The following STT3A variants were observed in gnomAD, a reference collection of about 807,000 sequenced individuals.
The protein encoded by STT3A is dolichyl-diphosphooligosaccharide--protein glycosyltransferase subunit STT3A.
A neutral mutation model predicts 89.2 loss-of-function variants in STT3A; 34 were observed. The observed-to-expected ratio is 0.38, with a 90% CI of 0.29 to 0.51. STT3A has a LOEUF of 0.51. Among genes scored for constraint, STT3A ranks in the 20% least tolerant of loss-of-function variants. The pLI is 0.89. For missense variants in STT3A, 555 were observed against 889.5 expected, an observed-to-expected ratio of 0.62 and a Z score of 4.78; for synonymous variants, 282 against 310.3, an observed-to-expected ratio of 0.91 and a Z score of 0.96.
chr11:125,597,224 T>A, intron 3 of STT3A, 105 bp downstream of exon 3: 1 of 1,171,010 alleles, frequency 8.5e-7, no homozygotes, highest in Non-Finnish European at 1.3e-6. Flanking sequence ...AGATGTGCTT[T>A]CAGTACATTT....
chr11:125,597,011 C>A, intron 2 of STT3A, 48 bp from the exon 3 acceptor site: 1 of 1,594,658 alleles, frequency 6.3e-7, no homozygotes, highest in Non-Finnish European at 8.6e-7. Context: ...ATCTGCTGTT[C>A]TTTCATGGCA....
chr11:125,620,791 G>T lies in STT3A; in HGVS notation c.2099G>T (p.Arg700Leu). The T allele has an allele frequency of 6.2e-7, 1 of 1,613,652 alleles. No homozygotes were observed. Among genetic ancestry groups the T allele is most frequent in the Non-Finnish European group, 8.5e-7 (1 of 1,179,886 alleles). Reference sequence around the variant, plus strand: ...TTGCAGGTAAAGGACCTGGATAATCGAGGCTTGTCAAGGACATAAATGTCA... The same window carrying T: ...TTGCAGGTAAAGGACCTGGATAATCTAGGCTTGTCAAGGACATAAATGTCA... ...RIYKVKDLDN[R>L]GLSRT The change falls in exon 18 of 18, where the codon CGA becomes CTA. Residue 700 changes from arginine (R) to leucine (L), a missense_variant. Transcript: ENST00000392708.
At chr11:125,597,240 A>G (rs568115954) in intron 3 of STT3A, 121 bp downstream of exon 3, 21 of 1,002,160 alleles carry the variant, frequency 2.1e-5, no homozygotes, top group South Asian at 9.7e-5. Flanking sequence ...CATTTAAGGG[A>G]AAAAAAAACC....
rs1940386431 is a variant in STT3A, at chr11:125,622,814, A to C, written c.*2004A>C. ...GACCCTAGGCAGGGCGCAGTGGATC[A>C]TGCCTGTAATCCCAGCACTTTGGGA... On this transcript the variant is annotated 3_prime_UTR_variant, in exon 18 of 18. Coordinates refer to ENST00000392708, the MANE Select transcript of STT3A (RefSeq NM_152713.5). The C allele has an allele frequency of 6.6e-6, 1 of 152,270 alleles. No individual in the cohort carries two copies. Among genetic ancestry groups the C allele is most frequent in the Non-Finnish European group, 1.5e-5 (1 of 68,140 alleles). 9.4% of individuals were successfully genotyped at this position (152,270 alleles called of 1,614,324 possible). A position where few individuals can be genotyped will look rare whatever the true frequency, so the allele number is the denominator to read the frequency against.
intron 9 of STT3A, 31 bp downstream of exon 9, chr11:125,608,320 T>G (rs1398788925): frequency 6.4e-7 from 1 of 1,555,172 alleles, no homozygotes; most frequent in African/African-American, 1.4e-5. Flanking sequence ...TTTTCCTTTT[T>G]TCTTTTTTTT....
intron 8 of STT3A, among the ~76,000 whole-genome samples, chr11:125,607,105 C>T (rs74831629): frequency 0.011 from 1,695 of 152,252 alleles, 13 homozygotes; most frequent in Non-Finnish European, 0.017. Context: ...AGTACCCATA[C>T]AAGCATTCTG....
chr11:125,595,862 C>A lies in STT3A; in HGVS notation c.-35-19C>A. On this transcript the variant is annotated intron_variant, in intron 1 of 17. Transcript: ENST00000392708. The stretch of plus-strand genomic sequence containing the variant: ...TTGAAGGTGTTCAATATCTTGTGGT[C>A]TTGACTTTTTCATTTTAGCTGATCG... 8.3e-7 allele frequency: 1 copy of A among 1,202,012 alleles called. No homozygotes were observed. The highest frequency in any genetic ancestry group is 1.2e-6 in the Non-Finnish European group (1 of 810,882). The allele number at this position is 1,202,012 out of a possible 1,614,324, so 74.5% of individuals were successfully genotyped here. A position where few individuals can be genotyped will look rare whatever the true frequency, so the allele number is the denominator to read the frequency against.
In STT3A at chr11:125,620,063, C is replaced by CT; in HGVS notation, c.2019dup (p.Glu674Ter). The CT allele has an allele frequency of 1.9e-6, 3 of 1,614,128 alleles. No homozygotes were observed. The highest frequency in any genetic ancestry group is 2.5e-6 in the Non-Finnish European group (3 of 1,180,016). On this transcript the variant is annotated frameshift_variant, in exon 17 of 18. Coordinates refer to ENST00000392708, the MANE Select transcript of STT3A (RefSeq NM_152713.5). LOFTEE classifies it high-confidence loss of function. ...GAAATGCTGAGATTGGGAATAAAGACTTTGAGCTTGATGTCCTGGAGGAAG... is the reference window on the plus strand; with the variant it reads ...GAAATGCTGAGATTGGGAATAAAGACTTTTGAGCTTGATGTCCTGGAGGAAG...
rs1940364348 is a variant in STT3A, at chr11:125,622,081, A to G, written c.*1271A>G. ...GCACAGTGGTCCTTGAGGACATTTA[A>G]TATCAGGACAAAGAGCCTATGAATA... On this transcript the variant is annotated 3_prime_UTR_variant, in exon 18 of 18. Coordinates refer to ENST00000392708, the MANE Select transcript of STT3A (RefSeq NM_152713.5). 6.6e-6 allele frequency: 1 copy of G among 152,252 alleles called. No individual in the cohort carries two copies. Among genetic ancestry groups the G allele is most frequent in the Admixed American group, 6.5e-5 (1 of 15,282 alleles). The allele number at this position is 152,252 out of a possible 1,614,324, so 9.4% of individuals were successfully genotyped here.
rs746922374 is a variant in STT3A, at chr11:125,613,379, A to G, written c.1554+202A>G. On this transcript the variant is annotated intron_variant, in intron 13 of 17. Coordinates refer to ENST00000392708, the MANE Select transcript of STT3A (RefSeq NM_152713.5). This position sits in a 1 kb window ranked among gnomAD's most constrained non-coding sequence, Gnocchi z 4.2. ...TAGTTACTCTTACTAGTAATTATCT[A>G]GACTTTGCATGCACACTTTTATTGA... 1.3e-5 allele frequency among the ~76,000 whole-genome samples: 2 copies of G among 152,206 alleles called. No individual in the cohort carries two copies. The highest frequency in any genetic ancestry group is 2.9e-5 in the Non-Finnish European group (2 of 68,048).
intron 4 of STT3A, 91 bp downstream of exon 4, chr11:125,602,515 G>T (rs1429191111): frequency 2.2e-6 from 3 of 1,363,450 alleles, no homozygotes; most frequent in Non-Finnish European, 2.9e-6. Context: ...TAATAGCTTT[G>T]TCTTGTGACA....
Position 125,605,540 on chromosome 11 carries a change from T to A in STT3A, c.509-89T>A, listed in dbSNP as rs529394583. 3.4e-6 allele frequency: 3 copies of A among 872,134 alleles called. No individual in the cohort carries two copies. In the African/African-American group the frequency reaches 5.1e-5, roughly 15 times the overall value. 54.0% of individuals were successfully genotyped at this position (872,134 alleles called of 1,614,324 possible). On this transcript the variant is annotated intron_variant, in intron 6 of 17. Transcript: ENST00000392708. ...CTAAAATTACACTATTACTTGGTAG[T>A]AGATCCAGGCAGTCTGTTCCAGAAC...
chr11:125,613,207 G>A lies in STT3A; in HGVS notation c.1554+30G>A, dbSNP rs1453528962. On this transcript the variant is annotated intron_variant, in intron 13 of 17. Coordinates refer to ENST00000392708, the MANE Select transcript of STT3A (RefSeq NM_152713.5). This position sits in a 1 kb window ranked among gnomAD's most constrained non-coding sequence, Gnocchi z 4.2. ...AGATTTGGGAGGGGTGGGAATTGTG[G>A]GTTAGGGGCAAAGGGGAAGACATTT... is the stretch of plus-strand genomic sequence containing the variant. 1 of 1,609,284 alleles carries A rather than the reference G, an allele frequency of 6.2e-7. No individual in the cohort carries two copies. The highest frequency in any genetic ancestry group is 1.3e-5 in the African/African-American group (1 of 74,794).
At chr11:125,615,743 C>T (rs117916160) in intron 15 of STT3A, among the ~76,000 whole-genome samples, 4 of 152,042 alleles carry the variant, frequency 2.6e-5, no homozygotes, top group East Asian at 3.9e-4. Flanking sequence ...GAAGATAATA[C>T]GATAACCATT....
Position 125,608,167 on chromosome 11 carries a change from A to G in STT3A, c.839A>G (p.His280Arg). ...GGGGTCTTTGGTCTCTGCCAGATCC[A>G]TGCCTTTGTGGATTACCTGCGCAGC... Reference protein sequence around the residue: ...AFGVFGLCQIHAFVDYLRSKL... With the variant: ...AFGVFGLCQIRAFVDYLRSKL... Residue 280 changes from histidine (H) to arginine (R), a missense_variant, in exon 9 of 18, where the codon CAT (histidine) becomes CGT (arginine). By Grantham distance (29) the His-to-Arg change is conservative. Transcript: ENST00000392708. 6.2e-7 allele frequency: 1 copy of G among 1,614,164 alleles called. No homozygotes were observed. The highest frequency in any genetic ancestry group is 8.5e-7 in the Non-Finnish European group (1 of 1,180,032).
chr11:125,602,560 G>A (rs1939717234), intron 4 of STT3A, 136 bp downstream of exon 4: 1 of 1,192,832 alleles, frequency 8.4e-7, no homozygotes, highest in African/African-American at 1.6e-5. Flanking sequence ...GTTCCTAAAA[G>A]TGCATCTTAC....
chr11:125,613,125 T>C lies in STT3A; in HGVS notation c.1502T>C (p.Ile501Thr), dbSNP rs1284763121. ...CGTGGTGGGGATGGCAGTAGGATCATATTTGATGACTTCCGAGAAGCATAT... is the reference window on the plus strand; with the variant it reads ...CGTGGTGGGGATGGCAGTAGGATCACATTTGATGACTTCCGAGAAGCATAT... ...SARGGDGSRIIFDDFREAYYW... is the reference protein window; with the variant it reads ...SARGGDGSRITFDDFREAYYW... Residue 501 changes from isoleucine to threonine, a missense_variant, in exon 13 of 18, where the codon ATA becomes ACA. Physicochemically the swap from Ile to Thr is moderately conservative, Grantham distance 89. Transcript: ENST00000392708. This position sits in a 1 kb window ranked among gnomAD's most constrained non-coding sequence, Gnocchi z 4.2. The C allele has an allele frequency of 6.2e-7, 1 of 1,614,174 alleles. No individual in the cohort carries two copies. Among genetic ancestry groups the C allele is most frequent in the Admixed American group, 1.7e-5 (1 of 60,020 alleles).
intron 15 of STT3A, among the ~76,000 whole-genome samples, chr11:125,617,242 C>T (rs1252999720): frequency 6.6e-6 from 1 of 152,168 alleles, no homozygotes; most frequent in African/African-American, 2.4e-5. Context: ...AAACAACTTA[C>T]TAAATGCTTT....
rs369084481 is a variant in STT3A at position 125,605,651 on chromosome 11, A to G, written c.531A>G (p.Leu177=). The G allele has an allele frequency of 4.3e-6, 7 of 1,613,884 alleles. No individual in the cohort carries two copies. Among genetic ancestry groups the G allele is most frequent in the Middle Eastern group, 1.7e-4 (1 of 6,058 alleles). The change falls in exon 7 of 18, where the codon CTA becomes CTG. Residue 177 remains leucine (L), a synonymous_variant. Coordinates refer to ENST00000392708, the MANE Select transcript of STT3A (RefSeq NM_152713.5). ...CAGGGATTGCCATCTTTTGCATGCT[A>G]CTCACCTACTACATGTGGATCAAGG... ...DNEGIAIFCM[L]LTYYMWIKAV... is the part of the protein sequence containing the mutation.
Sources: allele counts gnomAD v4.1 joint callset (sites outside exome capture counted in the v4.1 genomes callset), GRCh38; gene constraint gnomAD v4.1.1; non-coding constraint Gnocchi (gnomAD v3.1); transcripts MANE v1.5; gene names NCBI Gene and HGNC (gene_info 2026-07-23, HGNC 2026-07-21).